The following SEPTIN5 variants were observed in gnomAD, a reference collection of about 807,000 sequenced individuals.
SEPTIN5 encodes septin 5.
In SEPTIN5, 16 loss-of-function variants were observed where a neutral mutation model predicts 51.2. The observed-to-expected ratio is 0.31, with a 90% CI of 0.21 to 0.47. The LOEUF (loss-of-function observed/expected upper bound fraction) is 0.47. SEPTIN5 is among the 20% of genes least tolerant of loss of function. The pLI, the probability that SEPTIN5 is intolerant of heterozygous loss-of-function variation, is 0.99. For missense variants in SEPTIN5, 376 were observed against 500.3 expected (o/e 0.75, Z 2.37); for synonymous variants, 208 against 191.2 (o/e 1.09, Z -0.72).
At chr22:19,722,167 A>C in intron 10 of SEPTIN5, 70 bp from the exon 11 acceptor site, 1 of 1,256,008 alleles carries the variant, frequency 8.0e-7, no homozygotes. Context: ...GGGATGGGCC[A>C]GGCATCGCCA....
At position 19,714,842 on chromosome 22, in the gene SEPTIN5, C is replaced by T; in HGVS notation, c.54+51C>T. 1 of 1,582,688 alleles carries T rather than the reference C, an allele frequency of 6.3e-7. No homozygotes were observed. Among genetic ancestry groups the T allele is most frequent in the Non-Finnish European group, 8.5e-7 (1 of 1,170,448 alleles). ...CCGGGAGACCCGGCCGGCTGTCACC[C>T]ATTGTGACACTAGCGCCTTGGGCGC... On this transcript the variant is annotated intron_variant, in intron 2 of 11. Coordinates refer to ENST00000455784, the MANE Select transcript of SEPTIN5 (RefSeq NM_002688.6). This position sits in a 1 kb window ranked among gnomAD's most constrained non-coding sequence, Gnocchi z 5.2.
Position 19,716,250 on chromosome 22 carries a change from A to G in SEPTIN5, c.54+1459A>G, listed in dbSNP as rs9618673. On this transcript the variant is annotated intron_variant, in intron 2 of 11. Coordinates refer to ENST00000455784, the MANE Select transcript of SEPTIN5 (RefSeq NM_002688.6). ...AGGAGCCAGGCCAGGTGTCTGGGTG[A>G]CCAGTGGGTCTGGGGGAGCTGGAAG... 4.5e-3 allele frequency among the ~76,000 whole-genome samples: 691 copies of G among 152,328 alleles called. 1 individual carries two copies. The highest frequency in any genetic ancestry group is 0.018 in the South Asian group (89 of 4,830).
chr22:19,721,574 C>A, intron 8 of SEPTIN5, 66 bp from the exon 9 acceptor site: 2 of 1,563,912 alleles, frequency 1.3e-6, no homozygotes, highest in South Asian at 1.1e-5. Flanking sequence ...GTTACATGCC[C>A]GTTTCCCATC....
Position 19,714,927 on chromosome 22 carries a change from AGCCGGGCAGTGCC to A in SEPTIN5, c.54+141_54+153del. The A allele has an allele frequency of 8.3e-7, 1 of 1,204,062 alleles. No individual in the cohort carries two copies. The highest frequency in any genetic ancestry group is 1.1e-6 in the Non-Finnish European group (1 of 887,282). The allele number at this position is 1,204,062 out of a possible 1,614,324, so 74.6% of individuals were successfully genotyped here. A position where few individuals can be genotyped will look rare whatever the true frequency, so the allele number is the denominator to read the frequency against. ...AGCCCTGTCGCGATCACCGATTGTC[AGCCGGGCAGTGCC>A]GCCGCGCCTGGGGCTTCAGAGGAGA... is the stretch of plus-strand genomic sequence containing the variant. On this transcript the variant is annotated intron_variant, in intron 2 of 11. Coordinates refer to ENST00000455784, the MANE Select transcript of SEPTIN5 (RefSeq NM_002688.6). The surrounding 1 kb of genome is among the most constrained non-coding windows in gnomAD (Gnocchi z 5.2).
chr22:19,716,297 C>T (rs1935910340), intron 2 of SEPTIN5, among the ~76,000 whole-genome samples: 1 of 152,230 alleles, frequency 6.6e-6, no homozygotes, highest in South Asian at 2.1e-4. Context: ...TTCCCTGCTA[C>T]CACCGTTGCT....
In SEPTIN5 at chr22:19,723,051, C is replaced by CT; in HGVS notation, c.*569dup. On this transcript the variant is annotated 3_prime_UTR_variant, in exon 12 of 12. Coordinates refer to ENST00000455784, the MANE Select transcript of SEPTIN5 (RefSeq NM_002688.6). ...GCTGCAAGGAGCGGGGTCGTGACCG[C>CT]TTACACCCCTTCTCCACAGCCCGGC... 2.0e-6 allele frequency: 1 copy of CT among 496,204 alleles called. No individual in the cohort carries two copies. The highest frequency in any genetic ancestry group is 1.7e-5 in the South Asian group (1 of 58,254). 30.7% of individuals were successfully genotyped at this position (496,204 alleles called of 1,614,324 possible).
chr22:19,722,651 G>C lies in SEPTIN5; in HGVS notation c.*167G>C. On this transcript the variant is annotated 3_prime_UTR_variant, in exon 12 of 12. Coordinates refer to ENST00000455784, the MANE Select transcript of SEPTIN5 (RefSeq NM_002688.6). ...ATTGTGTCTGTTTCCGAGGGGCCTG[G>C]ACCGTAGCCCCCGCCCAGCTGGCCC... is the stretch of plus-strand genomic sequence containing the variant. 1.3e-6 allele frequency: 1 copy of C among 757,974 alleles called. No individual in the cohort carries two copies. The highest frequency in any genetic ancestry group is 2.1e-6 in the Non-Finnish European group (1 of 471,956). 47.0% of individuals were successfully genotyped at this position (757,974 alleles called of 1,614,324 possible).
chr22:19,722,070 AG>A (rs1409932129), intron 10 of SEPTIN5, 113 bp downstream of exon 10: 1 of 1,323,748 alleles, frequency 7.6e-7, no homozygotes, highest in Non-Finnish European at 1.0e-6. Context: ...CCATTCCCTA[AG>A]CCCCCCCCCT....
chr22:19,720,923 C>T, intron 8 of SEPTIN5, 54 bp downstream of exon 8: 1 of 1,492,668 alleles, frequency 6.7e-7, no homozygotes, highest in Non-Finnish European at 9.3e-7. Flanking sequence ...GGGGCAGAAC[C>T]AGAGGGCTTT....
chr22:19,714,677 G>A lies in SEPTIN5; in HGVS notation c.43+46G>A. 2 of 1,508,550 alleles carry A rather than the reference G, an allele frequency of 1.3e-6. No individual in the cohort carries two copies. The highest frequency in any genetic ancestry group is 2.6e-5 in the East Asian group (1 of 38,920). 93.4% of individuals were successfully genotyped at this position (1,508,550 alleles called of 1,614,324 possible). A position where few individuals can be genotyped will look rare whatever the true frequency, so the allele number is the denominator to read the frequency against. On this transcript the variant is annotated intron_variant, in intron 1 of 11. Coordinates refer to ENST00000455784, the MANE Select transcript of SEPTIN5 (RefSeq NM_002688.6). The surrounding 1 kb of genome is among the most constrained non-coding windows in gnomAD (Gnocchi z 5.2). ...CGTGCCCGCGCGCGCCTTTGTCCCC[G>A]CCGCCCGCGCGCCTCTCACCGTGTC...
Position 19,714,722 on chromosome 22 carries a change from C to T in SEPTIN5, c.44-59C>T, listed in dbSNP as rs2145783888. 3 of 1,555,580 alleles carry T rather than the reference C, an allele frequency of 1.9e-6. No homozygotes were observed. Among genetic ancestry groups the T allele is most frequent in the South Asian group, 1.2e-5 (1 of 85,882 alleles). ...CGTGTCTCTCCGTCTCTCCCCCGCC[C>T]GCCGGCCCGGACCCGCTCGGAACCG... is the stretch of plus-strand genomic sequence containing the variant. On this transcript the variant is annotated intron_variant, in intron 1 of 11. Transcript: ENST00000455784. The surrounding 1 kb of genome is among the most constrained non-coding windows in gnomAD (Gnocchi z 5.2).
chr22:19,720,800 T>C lies in SEPTIN5; in HGVS notation c.648T>C (p.His216=), dbSNP rs1317252639. The change falls in exon 8 of 12, where the codon CAT becomes CAC. Residue 216 remains histidine (H), a synonymous_variant. Transcript: ENST00000455784. Reference sequence around the variant, plus strand: ...AGGAGATTGACAAGTTTGGGATCCATGTATACCAGTTCCCTGAGTGTGACT... The same window carrying C: ...AGGAGATTGACAAGTTTGGGATCCACGTATACCAGTTCCCTGAGTGTGACT... ...IREEIDKFGI[H]VYQFPECDSD... 3 of 1,613,596 alleles carry C rather than the reference T, an allele frequency of 1.9e-6. No homozygotes were observed. Among genetic ancestry groups the C allele is most frequent in the African/African-American group, 1.3e-5 (1 of 74,894 alleles).
chr22:19,718,720 C>T, intron 2 of SEPTIN5: 1 of 1,250,776 alleles, frequency 8.0e-7, no homozygotes, highest in South Asian at 3.7e-5. Flanking sequence ...TGCCCCCGGG[C>T]CTGGGGGGGT....
rs1601247037 is a variant in SEPTIN5 at position 19,723,172 on chromosome 22, G to A, written c.*688G>A. The A allele has an allele frequency of 8.6e-6, 5 of 578,652 alleles. No individual in the cohort carries two copies. The highest frequency in any genetic ancestry group is 1.8e-5 in the African/African-American group (1 of 55,408). The allele number at this position is 578,652 out of a possible 1,614,324, so 35.8% of individuals were successfully genotyped here. ...CCTCGCTCGAGGCCTCTTCTCCCCA[G>A]CACCGCTGTGGTGTGCCGGGATCCT... is the stretch of plus-strand genomic sequence containing the variant. On this transcript the variant is annotated 3_prime_UTR_variant, in exon 12 of 12. Transcript: ENST00000455784.
At chr22:19,716,590 G>A (rs567256313) in intron 2 of SEPTIN5, among the ~76,000 whole-genome samples, 1 of 152,230 alleles carries the variant, frequency 6.6e-6, no homozygotes, top group Non-Finnish European at 1.5e-5. Context: ...GGGGTGGCAG[G>A]TACGGCCCCT....
intron 4 of SEPTIN5, 67 bp from the exon 5 acceptor site, chr22:19,720,048 G>A (rs553663443): frequency 1.9e-6 from 3 of 1,610,082 alleles, no homozygotes; most frequent in Admixed American, 1.7e-5. Flanking sequence ...TGAGGACGAG[G>A]GTCCTGGCTG....
At position 19,714,540 on chromosome 22, in the gene SEPTIN5, C is replaced by G; in HGVS notation, c.-49C>G. On this transcript the variant is annotated 5_prime_UTR_variant, in exon 1 of 12. Coordinates refer to ENST00000455784, the MANE Select transcript of SEPTIN5 (RefSeq NM_002688.6). This position sits in a 1 kb window ranked among gnomAD's most constrained non-coding sequence, Gnocchi z 5.2. Reference sequence around the variant, plus strand: ...GGCCTCGGCCTCCGCCGCTTGTCGTCGCGCCCCGCCCGCGAGCCCGCCCCG... The same window carrying G: ...GGCCTCGGCCTCCGCCGCTTGTCGTGGCGCCCCGCCCGCGAGCCCGCCCCG... 1 of 1,306,326 alleles carries G rather than the reference C, an allele frequency of 7.7e-7. No individual in the cohort carries two copies. The allele number at this position is 1,306,326 out of a possible 1,614,324, so 80.9% of individuals were successfully genotyped here.
chr22:19,720,074 T>G (rs762342670), intron 4 of SEPTIN5, 41 bp from the exon 5 acceptor site: 18 of 1,607,278 alleles, frequency 1.1e-5, no homozygotes, highest in Non-Finnish European at 1.5e-5. Flanking sequence ...GGTGAGGGGC[T>G]GAGGGTTGGA....
chr22:19,716,612 C>G (rs1448566296), intron 2 of SEPTIN5, among the ~76,000 whole-genome samples: 1 of 152,210 alleles, frequency 6.6e-6, no homozygotes, highest in African/African-American at 2.4e-5. Context: ...CCTTGAGGCT[C>G]CCCCAGGGAA....
Sources: gnomAD v4.1 joint callset for allele counts (sites outside exome capture counted in the v4.1 genomes callset) on GRCh38, gnomAD v4.1.1 for gene constraint, Gnocchi (gnomAD v3.1) non-coding constraint, MANE v1.5 for transcripts, NCBI Gene and HGNC (gene_info 2026-07-23, HGNC 2026-07-21) for gene names.